The following GRK6 variants were observed in gnomAD, a reference collection of about 807,000 sequenced individuals.
GRK6 encodes the protein G protein-coupled receptor kinase 6.
GRK6 carries 37 observed loss-of-function variants against 80.8 expected under a neutral mutation model. The ratio of observed to expected loss-of-function variants is 0.46; its 90% CI spans 0.35 to 0.60. The LOEUF (loss-of-function observed/expected upper bound fraction) is 0.60, where lower values mean the gene tolerates loss of function less well. Ranked by LOEUF, GRK6 falls within the 20% of genes least tolerant of loss-of-function variation. The pLI is 0.00. For missense variants in GRK6, 560 were observed against 784.6 expected (o/e 0.71, Z 3.42); for synonymous variants, 295 against 320.9 (o/e 0.92, Z 0.86).
At chr5:177,434,256 G>T in intron 9 of GRK6, 152 bp downstream of exon 9, 1 of 803,330 alleles carries the variant, frequency 1.2e-6, no homozygotes, top group Non-Finnish European at 1.8e-6. Context: ...TCACACGCCA[G>T]GCCAACCTGA....
At chr5:177,431,914 C>G (rs1278143900) in intron 2 of GRK6, 81 bp from the exon 3 acceptor site, 3 of 1,246,262 alleles carry the variant, frequency 2.4e-6, no homozygotes, top group Non-Finnish European at 3.5e-6. Context: ...TTGTGGGGGC[C>G]CAGGGCCTGG....
At chr5:177,435,251 C>T (rs545424118) in intron 11 of GRK6, 130 bp downstream of exon 11, 1 of 662,354 alleles carries the variant, frequency 1.5e-6, no homozygotes, top group East Asian at 2.7e-5. Flanking sequence ...TGCCGATGCT[C>T]CTCTTCTAGA....
Position 177,441,919 on chromosome 5 carries a change from C to G in GRK6, c.*129C>G. On this transcript the variant is annotated 3_prime_UTR_variant, in exon 16 of 16. Transcript: ENST00000355472. Reference sequence around the variant, plus strand: ...CCTGGGGAACACAGACGGAGCTGTCCCCAGTGTCCTCCGTCCCTCAGCCCC... The same window carrying G: ...CCTGGGGAACACAGACGGAGCTGTCGCCAGTGTCCTCCGTCCCTCAGCCCC... 1 of 850,060 alleles carries G rather than the reference C, an allele frequency of 1.2e-6. No individual in the cohort carries two copies. The highest frequency in any genetic ancestry group is 1.6e-5 in the South Asian group (1 of 63,538). 52.7% of individuals were successfully genotyped at this position (850,060 alleles called of 1,614,324 possible).
intron 13 of GRK6, 100 bp from the exon 14 acceptor site, chr5:177,440,600 A>T: frequency 7.2e-7 from 1 of 1,396,960 alleles, no homozygotes; most frequent in Admixed American, 1.9e-5. Context: ...TGCTGGTGTC[A>T]GGCAGCACTA....
chr5:177,435,891 G>A (rs1017878132), intron 11 of GRK6, among the ~76,000 whole-genome samples, 182 bp from the exon 12 acceptor site: 2 of 152,186 alleles, frequency 1.3e-5, no homozygotes, highest in African/African-American at 2.4e-5. Flanking sequence ...GACCCTGGGC[G>A]CGGCCTCCTG....
intron 11 of GRK6, among the ~76,000 whole-genome samples, chr5:177,435,407 G>A (rs1045103716): frequency 6.6e-6 from 1 of 152,250 alleles, no homozygotes; most frequent in Admixed American, 6.5e-5. Flanking sequence ...CTGTTTCCGT[G>A]GCCCCAGTCC....
At chr5:177,438,913 C>T (rs1463385238) in intron 13 of GRK6, 3 of 152,198 alleles carry the variant, frequency 2.0e-5, no homozygotes, top group Non-Finnish European at 2.9e-5. Context: ...TATGTTTAAC[C>T]TTTTGGGGAA....
In GRK6 at chr5:177,434,107, G is replaced by A. The variant is rs1472226872; in HGVS notation, c.929+3G>A. 1.3e-6 allele frequency: 2 copies of A among 1,556,912 alleles called. No individual in the cohort carries two copies. The highest frequency in any genetic ancestry group is 1.7e-6 in the Non-Finnish European group (2 of 1,151,752). ...CACCGGGAGCGCATCGTGTACAGGT[G>A]GGGAGGGCTCGGCCACCCCAGGGGC... On this transcript the variant is annotated splice_donor_region_variant and intron_variant, in intron 9 of 15. Transcript: ENST00000355472.
intron 1 of GRK6, among the ~76,000 whole-genome samples, chr5:177,427,874 C>T (rs1014605273): frequency 6.6e-5 from 10 of 152,308 alleles, no homozygotes; most frequent in Non-Finnish European, 1.5e-4. Flanking sequence ...TCTGCTTCAC[C>T]TTTCTACCAT....
Position 177,433,638 on chromosome 5 carries a change from G to T in GRK6, c.700G>T (p.Glu234Ter). The T allele has an allele frequency of 6.2e-7, 1 of 1,614,166 alleles. No homozygotes were observed. Among genetic ancestry groups the T allele is most frequent in the Non-Finnish European group, 8.5e-7 (1 of 1,180,034 alleles). Residue 234 changes from glutamate (E) to a stop codon, truncating the protein, a stop_gained, in exon 8 of 16, where the codon GAG becomes TAG. Transcript: ENST00000355472. LOFTEE classifies it high-confidence loss of function. The stretch of plus-strand genomic sequence containing the variant: ...GAAAGGGGAGGCCATGGCGCTGAAC[G>T]AGAAGCAGATCCTGGAGAAAGTGAA... ...KRKGEAMALN[E>*]KQILEKVNSR...
chr5:177,439,272 C>T (rs531117295), intron 13 of GRK6, among the ~76,000 whole-genome samples: 1 of 152,282 alleles, frequency 6.6e-6, no homozygotes, highest in Non-Finnish European at 1.5e-5. Context: ...GGCGTGGTGG[C>T]TCATGCCTGT....
chr5:177,426,815 C>T lies in GRK6; in HGVS notation c.-31C>T. On this transcript the variant is annotated 5_prime_UTR_variant, in exon 1 of 16. Transcript: ENST00000355472. ...TCGCGCGCGATCCCGGCCGGCGGCG[C>T]GGCCCGGCGGGCCAGGCGGCGCCAC... is the stretch of plus-strand genomic sequence containing the variant. 1 of 1,170,926 alleles carries T rather than the reference C, an allele frequency of 8.5e-7. No individual in the cohort carries two copies. Among genetic ancestry groups the T allele is most frequent in the Non-Finnish European group, 1.1e-6 (1 of 948,152 alleles). The allele number at this position is 1,170,926 out of a possible 1,614,324, so 72.5% of individuals were successfully genotyped here. A position where few individuals can be genotyped will look rare whatever the true frequency, so the allele number is the denominator to read the frequency against.
intron 15 of GRK6, 90 bp downstream of exon 15, chr5:177,441,143 A>G: frequency 6.5e-7 from 1 of 1,532,910 alleles, no homozygotes; most frequent in South Asian, 1.2e-5. Context: ...ATGCGCTGGG[A>G]GTGGGCGTCC....
intron 13 of GRK6, chr5:177,440,078 T>C (rs1764389099): frequency 6.5e-6 from 1 of 152,940 alleles, no homozygotes; most frequent in Non-Finnish European, 1.5e-5. Context: ...TTTAAGCTTT[T>C]GGGGAACTGC....
chr5:177,441,468 G>A lies in GRK6; in HGVS notation c.1678-269G>A, dbSNP rs181588093. The A allele has an allele frequency of 2.5e-4, 160 of 640,530 alleles. 2 individuals are homozygous for A. The East Asian group carries it at 4.2e-3, about 17-fold the overall frequency. The allele number at this position is 640,530 out of a possible 1,614,324, so 39.7% of individuals were successfully genotyped here. On this transcript the variant is annotated intron_variant, in intron 15 of 15. Coordinates refer to ENST00000355472, the MANE Select transcript of GRK6 (RefSeq NM_001004106.3). ...TGTCTCTGCCAGCCCCAGGGGAGAG[G>A]GCTGGGCAGAGGCCTTGCCCTGGCA...
intron 15 of GRK6, 148 bp from the exon 16 acceptor site, chr5:177,441,589 C>G: frequency 1.3e-6 from 1 of 756,030 alleles, no homozygotes; most frequent in East Asian, 2.4e-5. Context: ...CTGCTCCAGG[C>G]TCCTTGTGGA....
chr5:177,436,005 C>G (rs753787551), intron 11 of GRK6, 68 bp from the exon 12 acceptor site: 1 of 1,367,960 alleles, frequency 7.3e-7, no homozygotes, highest in Non-Finnish European at 1.0e-6. Flanking sequence ...CGTGCACTGG[C>G]GTTCCTGGGG....
Position 177,433,371 on chromosome 5 carries a change from C to T in GRK6, c.558C>T (p.Phe186=). 6.2e-7 allele frequency: 1 copy of T among 1,613,958 alleles called. No individual in the cohort carries two copies. The highest frequency in any genetic ancestry group is 8.5e-7 in the Non-Finnish European group (1 of 1,179,918). Residue 186 remains phenylalanine, a synonymous_variant, in exon 7 of 16, where the codon TTC becomes TTT. Coordinates refer to ENST00000355472, the MANE Select transcript of GRK6 (RefSeq NM_001004106.3). ...GGCAGCCAGTGACCAAAAACACCTT[C>T]AGGCAATACCGAGTCCTGGGCAAAG... is the stretch of plus-strand genomic sequence containing the variant. The part of the protein sequence containing the change: ...LERQPVTKNT[F]RQYRVLGKGG...
chr5:177,438,258 C>T (rs1261874940), intron 13 of GRK6, among the ~76,000 whole-genome samples: 1 of 152,124 alleles, frequency 6.6e-6, no homozygotes, highest in Non-Finnish European at 1.5e-5. Context: ...ATCCCAGCTA[C>T]TCGGCAGACT....
Sources: allele counts gnomAD v4.1 joint callset (sites outside exome capture counted in the v4.1 genomes callset), GRCh38; gene constraint gnomAD v4.1.1; transcripts MANE v1.5; gene names NCBI Gene and HGNC (gene_info 2026-07-23, HGNC 2026-07-21).